GFRA2: variants seen among roughly 807,000 people sequenced by gnomAD.
The protein encoded by GFRA2 is GDNF family receptor alpha 2, also known as GDNF family receptor alpha-2.
A neutral mutation model predicts 48.3 loss-of-function variants in GFRA2; 17 were observed. The ratio of observed to expected loss-of-function variants is 0.35; its 90% CI spans 0.24 to 0.53. The LOEUF is 0.53. Among genes scored for constraint, GFRA2 ranks in the 20% least tolerant of loss-of-function variants. The probability of loss-of-function intolerance (pLI) is 0.93; values close to 1 mark genes in which losing one functional copy is unlikely to be tolerated. For synonymous variants in GFRA2, 305 were observed against 257.2 expected (o/e 1.19, Z -1.78); for missense variants, 660 against 637.3 (o/e 1.04, Z -0.38).
chr8:21,707,095 G>C (rs1802785872), intron 4 of GFRA2, among the ~76,000 whole-genome samples: 1 of 152,164 alleles, frequency 6.6e-6, no homozygotes, highest in Non-Finnish European at 1.5e-5. Context: ...GCTCCAAATA[G>C]CTAGTAATAA....
At chr8:21,785,928 GC>G (rs1224058226) in intron 1 of GFRA2, among the ~76,000 whole-genome samples, 1 of 145,808 alleles carries the variant, frequency 6.9e-6, no homozygotes, top group African/African-American at 2.5e-5. Flanking sequence ...TTTTCAACCA[GC>G]TTCCTGCCAG....
rs149965588 is a variant in GFRA2 at position 21,702,781 on chromosome 8, C to A, written c.1218+24G>T. 86 of 1,565,410 alleles carry A rather than the reference C, an allele frequency of 5.5e-5. No individual in the cohort carries two copies. In the African/African-American group the frequency reaches 7.6e-4, roughly 14 times the overall value. ...ACTTCCGGTGCCATGGTGCTCCCCC[C>A]ACGCCTCAGCCACACACCCTCACCT... On this transcript the variant is annotated intron_variant, in intron 7 of 8. Transcript: ENST00000524240.
At chr8:21,800,200 G>A (rs2117112496) in intron 2 of GFRA2, among the ~76,000 whole-genome samples, 1 of 152,110 alleles carries the variant, frequency 6.6e-6, no homozygotes, top group East Asian at 1.9e-4. Context: ...GCCCATTTTT[G>A]CAATCAATCT....
chr8:21,765,550 C>T (rs1341368987), intron 3 of GFRA2, among the ~76,000 whole-genome samples: 4 of 152,012 alleles, frequency 2.6e-5, no homozygotes, highest in African/African-American at 9.7e-5. Context: ...GCCTCACTCT[C>T]CTGACTATAT....
intron 2 of GFRA2, among the ~76,000 whole-genome samples, chr8:21,801,564 G>A (rs1807771048): frequency 9.0e-6 from 1 of 110,892 alleles, no homozygotes; most frequent in African/African-American, 3.5e-5. Flanking sequence ...CCCTTCATAG[G>A]CCTGGCCCTT....
At chr8:21,756,350 C>T (rs1197771443) in intron 3 of GFRA2, among the ~76,000 whole-genome samples, 2 of 152,196 alleles carry the variant, frequency 1.3e-5, no homozygotes, top group Admixed American at 1.3e-4. Context: ...CAGGAAGATA[C>T]CCCGTGATCC....
chr8:21,725,907 C>T (rs1333802187), intron 4 of GFRA2, among the ~76,000 whole-genome samples: 1 of 152,188 alleles, frequency 6.6e-6, no homozygotes, highest in African/African-American at 2.4e-5. Context: ...AGCAAGACCC[C>T]AGGATGGGGG....
At chr8:21,712,777 G>A (rs1803120753) in intron 4 of GFRA2, among the ~76,000 whole-genome samples, 1 of 152,240 alleles carries the variant, frequency 6.6e-6, no homozygotes, top group East Asian at 1.9e-4. Flanking sequence ...GGCCGAGGCT[G>A]GCGGATCACT....
chr8:21,732,587 C>A (rs766115920), intron 4 of GFRA2, among the ~76,000 whole-genome samples: 2 of 152,232 alleles, frequency 1.3e-5, no homozygotes, highest in African/African-American at 2.4e-5. Context: ...ATGAGACCAG[C>A]AGGAGGAGGT....
At chr8:21,731,851 G>A (rs756242687) in intron 4 of GFRA2, among the ~76,000 whole-genome samples, 8 of 152,208 alleles carry the variant, frequency 5.3e-5, no homozygotes, top group South Asian at 4.1e-4. Flanking sequence ...AGTATCTGGC[G>A]CTCATTAACA....
At chr8:21,714,233 C>A (rs1803214941) in intron 4 of GFRA2, among the ~76,000 whole-genome samples, 1 of 133,828 alleles carries the variant, frequency 7.5e-6, no homozygotes, top group South Asian at 2.4e-4. Context: ...TCAATACATA[C>A]TGGTCTGAAG....
chr8:21,711,255 T>G (rs1409500427), intron 4 of GFRA2, among the ~76,000 whole-genome samples: 1 of 152,222 alleles, frequency 6.6e-6, no homozygotes, highest in Non-Finnish European at 1.5e-5. Context: ...CTTTGCAGTT[T>G]CCTGCCTTTT....
intron 7 of GFRA2, among the ~76,000 whole-genome samples, chr8:21,697,677 C>A (rs990280532): frequency 2.0e-5 from 3 of 152,162 alleles, no homozygotes; most frequent in African/African-American, 4.8e-5. Context: ...GGCTGTGTCT[C>A]CACCCAAATC....
At chr8:21,707,748 T>G (rs1802820027) in intron 4 of GFRA2, among the ~76,000 whole-genome samples, 1 of 152,228 alleles carries the variant, frequency 6.6e-6, no homozygotes, top group South Asian at 2.1e-4. Context: ...CTTTAACTGT[T>G]TGGGATGATT....
intron 2 of GFRA2, among the ~76,000 whole-genome samples, chr8:21,777,415 G>A (rs1375742153): frequency 6.6e-6 from 1 of 151,984 alleles, no homozygotes; most frequent in Non-Finnish European, 1.5e-5. Flanking sequence ...GGGGTGGCAG[G>A]GTGGGGACAG....
intron 7 of GFRA2, among the ~76,000 whole-genome samples, chr8:21,700,416 AG>A (rs1380081887): frequency 3.3e-5 from 5 of 152,146 alleles, no homozygotes; most frequent in Non-Finnish European, 7.3e-5. Context: ...GCCAACTGGG[AG>A]GGGGCTCCTG....
At chr8:21,802,462 C>T (rs896108641) in intron 2 of GFRA2, among the ~76,000 whole-genome samples, 228 of 152,272 alleles carry the variant, frequency 1.5e-3, no homozygotes, top group African/African-American at 5.2e-3. Flanking sequence ...TCAAGTGATC[C>T]TCCCACCTCA....
In GFRA2 at chr8:21,694,077, T is replaced by TTTATATATATATATATATATATATA. The variant is rs1802032776; in HGVS notation, c.1272+386_1272+387insTATATATATATATATATATATATAA. 4.4e-4 allele frequency among the ~76,000 whole-genome samples: 48 copies of TTTATATATATATATATATATATATA among 109,274 alleles called. 1 individual carries two copies. The highest frequency in any genetic ancestry group is 8.8e-4 in the Non-Finnish European group (44 of 50,150). 71.7% of individuals were successfully genotyped at this position (109,274 alleles called of 152,430 possible). A position where few individuals can be genotyped will look rare whatever the true frequency, so the allele number is the denominator to read the frequency against. On this transcript the variant is annotated intron_variant, in intron 8 of 8. Coordinates refer to ENST00000524240, the MANE Select transcript of GFRA2 (RefSeq NM_001495.5). ...TATTTATATATATATTTATTTATTT[T>TTTATATATATATATATATATATATA]TATATATATATATATTTCCTATAGT...
intron 7 of GFRA2, among the ~76,000 whole-genome samples, chr8:21,698,723 C>T (rs1802329593): frequency 6.6e-6 from 1 of 151,724 alleles, no homozygotes; most frequent in South Asian, 2.1e-4. Context: ...AAGTGTGTAA[C>T]ACTTCATTTG....
Sources: gnomAD v4.1 joint callset for allele counts (sites outside exome capture counted in the v4.1 genomes callset) on GRCh38, gnomAD v4.1.1 for gene constraint, MANE v1.5 for transcripts, NCBI Gene and HGNC (gene_info 2026-07-23, HGNC 2026-07-21) for gene names.